NHERF1: variants seen among roughly 807,000 people sequenced by gnomAD.
The protein encoded by NHERF1 is NHERF family PDZ scaffold protein 1.
At chr17:74,749,035 C>G in the NHERF1 span, 1 of 1,599,756 alleles carries the variant, frequency 6.3e-7, no homozygotes, top group Non-Finnish European at 8.5e-7. This position sits in a 1 kb window ranked among gnomAD's most constrained non-coding sequence, Gnocchi z 5.6. Context: ...TGGAGGTGAA[C>G]GGCGAAAACG....
the NHERF1 span, among the ~76,000 whole-genome samples, chr17:74,755,759 G>A: frequency 2.0e-5 from 3 of 152,230 alleles, no homozygotes; most frequent in East Asian, 1.9e-4. Context: ...CCAGCTTCGC[G>A]AGGCTCCCGG....
chr17:74,763,193 G>T, the NHERF1 span: 1 of 587,578 alleles, frequency 1.7e-6, no homozygotes, highest in Non-Finnish European at 3.0e-6. Context: ...TCAATGGGAG[G>T]ACCCCCAGCC....
At chr17:74,755,316 G>A in the NHERF1 span, among the ~76,000 whole-genome samples, 3 of 152,074 alleles carry the variant, frequency 2.0e-5, no homozygotes, top group African/African-American at 4.8e-5. Context: ...CCCTTCTCAC[G>A]TGATGTGATA....
the NHERF1 span, chr17:74,768,675 G>A: frequency 6.2e-6 from 10 of 1,609,482 alleles, no homozygotes; most frequent in African/African-American, 2.7e-5. Flanking sequence ...CTGCCACCCA[G>A]TGACTGGCAG....
chr17:74,750,569 C>T, the NHERF1 span, among the ~76,000 whole-genome samples: 1 of 152,286 alleles, frequency 6.6e-6, no homozygotes, highest in South Asian at 2.1e-4. Context: ...CACTTCCTGC[C>T]CCTGCCAAGC....
chr17:74,748,819 T>C, the NHERF1 span: 1 of 1,568,436 alleles, frequency 6.4e-7, no homozygotes, highest in East Asian at 2.3e-5. This position sits in a 1 kb window ranked among gnomAD's most constrained non-coding sequence, Gnocchi z 4.3. Flanking sequence ...GAACCCCAAG[T>C]CGCGCCGCTG....
the NHERF1 span, chr17:74,768,100 C>T: frequency 5.3e-5 from 69 of 1,296,548 alleles, no homozygotes; most frequent in South Asian, 8.1e-4. Flanking sequence ...CCTCAGGACC[C>T]CCTCACCCCA....
At chr17:74,748,987 G>A in the NHERF1 span, 1 of 1,608,176 alleles carries the variant, frequency 6.2e-7, no homozygotes, top group Admixed American at 1.7e-5. This position sits in a 1 kb window ranked among gnomAD's most constrained non-coding sequence, Gnocchi z 4.3. Context: ...CCGGCTCGCC[G>A]GCCGAGAAGG....
At chr17:74,756,975 AG>A in the NHERF1 span, among the ~76,000 whole-genome samples, 1 of 152,002 alleles carries the variant, frequency 6.6e-6, no homozygotes, top group South Asian at 2.1e-4. Context: ...TTCTGGGAGG[AG>A]GGTGAGGGAT....
At chr17:74,767,487 G>A in the NHERF1 span, among the ~76,000 whole-genome samples, 773 of 152,316 alleles carry the variant, frequency 5.1e-3, 3 homozygotes, top group Non-Finnish European at 7.7e-3. Context: ...CAAAGCCTTC[G>A]CTCTGGGACA....
At chr17:74,750,227 C>G in the NHERF1 span, among the ~76,000 whole-genome samples, 62 of 152,250 alleles carry the variant, frequency 4.1e-4, 1 homozygote, top group East Asian at 8.7e-3. Context: ...CCCATGGGAT[C>G]CCAGTTTGGA....
chr17:74,766,658 G>C, the NHERF1 span, among the ~76,000 whole-genome samples: 4 of 151,288 alleles, frequency 2.6e-5, no homozygotes, highest in Non-Finnish European at 5.9e-5. Flanking sequence ...GCTCACACCT[G>C]TAATCCCAAC....
At chr17:74,763,089 C>T in the NHERF1 span, 281 of 360,950 alleles carry the variant, frequency 7.8e-4, no homozygotes, top group African/African-American at 4.7e-3. Context: ...CCTCCCAGCT[C>T]GCTCCCATCC....
the NHERF1 span, among the ~76,000 whole-genome samples, chr17:74,761,666 A>AT: frequency 6.6e-6 from 1 of 151,856 alleles, no homozygotes; most frequent in African/African-American, 2.4e-5. This position sits in a 1 kb window ranked among gnomAD's most constrained non-coding sequence, Gnocchi z 4.3. Context: ...ATGGGGAGGG[A>AT]TAGAGGCCCG....
At chr17:74,767,951 G>C in the NHERF1 span, 56 of 689,966 alleles carry the variant, frequency 8.1e-5, no homozygotes, top group Admixed American at 1.1e-3. Flanking sequence ...AGTAGAACCA[G>C]CCTGCCCTCT....
the NHERF1 span, chr17:74,748,708 A>T: frequency 4.2e-6 from 3 of 717,956 alleles, no homozygotes; most frequent in Non-Finnish European, 6.7e-6. This position sits in a 1 kb window ranked among gnomAD's most constrained non-coding sequence, Gnocchi z 4.3. Context: ...TTCCTGGGAC[A>T]CCTGCTTGCT....
chr17:74,763,761 TGA>T, the NHERF1 span, among the ~76,000 whole-genome samples: 1 of 152,134 alleles, frequency 6.6e-6, no homozygotes, highest in African/African-American at 2.4e-5. Context: ...ATGAGGTCGG[TGA>T]GAGAGATGGA....
the NHERF1 span, chr17:74,768,128 A>G: frequency 1.3e-6 from 2 of 1,575,026 alleles, no homozygotes; most frequent in African/African-American, 1.4e-5. Flanking sequence ...ACAACCCACA[A>G]CCCTCTCCTC....
the NHERF1 span, among the ~76,000 whole-genome samples, chr17:74,758,555 C>T: frequency 6.6e-6 from 1 of 152,158 alleles, no homozygotes; most frequent in South Asian, 2.1e-4. This position sits in a 1 kb window ranked among gnomAD's most constrained non-coding sequence, Gnocchi z 4.3. Flanking sequence ...TTGTCTTGAA[C>T]TTGGGTCTCC....
Sources: allele counts gnomAD v4.1 joint callset (sites outside exome capture counted in the v4.1 genomes callset), GRCh38; gene constraint gnomAD v4.1.1; non-coding constraint Gnocchi (gnomAD v3.1); transcripts MANE v1.5; gene names NCBI Gene and HGNC (gene_info 2026-07-23, HGNC 2026-07-21).